Variants in PLCD3 observed in about 807,000 individuals in gnomAD.
PLCD3 encodes 1-phosphatidylinositol 4,5-bisphosphate phosphodiesterase delta-3.
PLCD3 carries 62 observed loss-of-function variants against 82.8 expected under a neutral mutation model. The observed-to-expected ratio is 0.75, with a 90% CI of 0.61 to 0.93. The LOEUF (loss-of-function observed/expected upper bound fraction) is 0.93. Among genes scored for constraint, PLCD3 ranks in the 40% least tolerant of loss-of-function variants. The pLI is 0.00. For synonymous variants in PLCD3, 478 were observed against 471.8 expected (o/e 1.01, Z -0.17); for missense variants, 1,023 against 1,103.4 (o/e 0.93, Z 1.03).
In PLCD3 at chr17:45,112,561, C is replaced by G; in HGVS notation, c.*55G>C. Reference sequence around the variant, plus strand: ...CCTGACTCCAGAGGAGGAGAGGGCTCTGCAGGGGATGTGGACTGGCACTCG... The same window carrying G: ...CCTGACTCCAGAGGAGGAGAGGGCTGTGCAGGGGATGTGGACTGGCACTCG... On this transcript the variant is annotated 3_prime_UTR_variant, in exon 15 of 15. Transcript: ENST00000619929. 6.6e-7 allele frequency: 1 copy of G among 1,505,474 alleles called. No individual in the cohort carries two copies. The highest frequency in any genetic ancestry group is 9.1e-7 in the Non-Finnish European group (1 of 1,104,744). The allele number at this position is 1,505,474 out of a possible 1,614,324, so 93.3% of individuals were successfully genotyped here.
chr17:45,114,664 T>C (rs2054275303), intron 10 of PLCD3, among the ~76,000 whole-genome samples: 1 of 152,132 alleles, frequency 6.6e-6, no homozygotes, highest in South Asian at 2.1e-4. Flanking sequence ...CCTGGAATTC[T>C]TCTCCAGGCC....
In PLCD3 at chr17:45,118,132, A is replaced by G; in HGVS notation, c.1122T>C (p.Phe374=). 6.2e-7 allele frequency: 1 copy of G among 1,613,934 alleles called. No homozygotes were observed. The highest frequency in any genetic ancestry group is 8.5e-7 in the Non-Finnish European group (1 of 1,179,830). Residue 374 remains phenylalanine, a synonymous_variant, in exon 7 of 15, where the codon TTT becomes TTC. Coordinates refer to ENST00000619929, the MANE Select transcript of PLCD3 (RefSeq NM_133373.5). The surrounding 1 kb of genome is among the most constrained non-coding windows in gnomAD (Gnocchi z 4.1). ...PSSTEAYVRA[F]AQGCRCVELD... is the part of the protein sequence containing the mutation. Reference sequence around the variant, plus strand: ...GCTCCACGCAGCGGCATCCCTGGGCAAAGGCCCTGTGTGTGGACAGATGGG... The same window carrying G: ...GCTCCACGCAGCGGCATCCCTGGGCGAAGGCCCTGTGTGTGGACAGATGGG...
intron 1 of PLCD3, among the ~76,000 whole-genome samples, chr17:45,130,702 G>T (rs768723694): frequency 6.6e-6 from 1 of 151,458 alleles, no homozygotes; most frequent in African/African-American, 2.4e-5. Flanking sequence ...TCCCTGTTTC[G>T]CCCCTGCCTT....
Position 45,112,972 on chromosome 17 carries a change from C to A in PLCD3, c.2172G>T (p.Leu724=). ...GGACCAGTGCCAGCTCCGGAGCCCG[C>A]AGCTGGAACTGCAGGGTCTGCCCCC... ...PRWGQTLQFQ[L]RAPELALVRF... is the part of the protein sequence containing the mutation. The change falls in exon 14 of 15, where the codon CTG becomes CTT. Residue 724 remains leucine, a synonymous_variant. Coordinates refer to ENST00000619929, the MANE Select transcript of PLCD3 (RefSeq NM_133373.5). 1.2e-6 allele frequency: 2 copies of A among 1,611,578 alleles called. No individual in the cohort carries two copies. The highest frequency in any genetic ancestry group is 1.7e-6 in the Non-Finnish European group (2 of 1,178,526).
At chr17:45,120,560 G>A in intron 3 of PLCD3, 106 bp from the exon 4 acceptor site, 1 of 1,472,076 alleles carries the variant, frequency 6.8e-7, no homozygotes, top group South Asian at 1.2e-5. Context: ...CCCAGTTTAG[G>A]GGCTGTACTT....
intron 1 of PLCD3, among the ~76,000 whole-genome samples, chr17:45,125,586 A>T (rs1322798893): frequency 6.6e-6 from 1 of 152,264 alleles, no homozygotes; most frequent in Non-Finnish European, 1.5e-5. Flanking sequence ...ACATGGCGAG[A>T]CTCCGTCTCA....
At chr17:45,117,452 G>A (rs2054300051) in intron 7 of PLCD3, among the ~76,000 whole-genome samples, 1 of 152,118 alleles carries the variant, frequency 6.6e-6, no homozygotes, top group Non-Finnish European at 1.5e-5. Flanking sequence ...TATTTGCTCA[G>A]GCTGGTCTGG....
rs770293868 is a variant in PLCD3 at position 45,113,419 on chromosome 17, GC to G, written c.1995+19del. 2 of 1,580,158 alleles carry G rather than the reference GC, an allele frequency of 1.3e-6. No homozygotes were observed. Among genetic ancestry groups the G allele is most frequent in the South Asian group, 2.3e-5 (2 of 86,120 alleles). ...AGAACCAGTCTGACCCCACACTGGG[GC>G]CCGTTCCAGCCTGCTGACCTGGATG... On this transcript the variant is annotated intron_variant, in intron 12 of 14. Transcript: ENST00000619929.
chr17:45,123,927 G>C (rs534710480), intron 1 of PLCD3, among the ~76,000 whole-genome samples: 4 of 150,374 alleles, frequency 2.7e-5, no homozygotes, highest in Non-Finnish European at 5.9e-5. Context: ...GGGTGTACAC[G>C]GCACGTGCCA....
At position 45,118,611 on chromosome 17, in the gene PLCD3, C is replaced by T; in HGVS notation, c.914-119G>A. On this transcript the variant is annotated intron_variant, in intron 5 of 14. Transcript: ENST00000619929. This position sits in a 1 kb window ranked among gnomAD's most constrained non-coding sequence, Gnocchi z 4.1. The stretch of plus-strand genomic sequence containing the variant: ...GACTAGACAATCTACTGACTAGACT[C>T]CATGTAAGTCATGCCACTTAACCTT... 2 of 1,234,362 alleles carry T rather than the reference C, an allele frequency of 1.6e-6. No individual in the cohort carries two copies. 76.5% of individuals were successfully genotyped at this position (1,234,362 alleles called of 1,614,324 possible).
Position 45,118,957 on chromosome 17 carries a change from C to A in PLCD3, c.771G>T (p.Glu257Asp). Reference sequence around the variant, plus strand: ...CGCCCGAGTACTGATGGAAGATCTCCTCCAGCTCCGGCCGCTTCAGCAGCC... The same window carrying A: ...CGCCCGAGTACTGATGGAAGATCTCATCCAGCTCCGGCCGCTTCAGCAGCC... The part of the protein sequence containing the change: ...LRRLLKRPEL[E>D]EIFHQYSGED... Residue 257 changes from glutamate to aspartate, a missense_variant, in exon 5 of 15, where the codon GAG becomes GAT. Physicochemically the swap from Glu to Asp is conservative, Grantham distance 45. Coordinates refer to ENST00000619929, the MANE Select transcript of PLCD3 (RefSeq NM_133373.5). The surrounding 1 kb of genome is among the most constrained non-coding windows in gnomAD (Gnocchi z 4.1). 6.2e-7 allele frequency: 1 copy of A among 1,612,436 alleles called. No individual in the cohort carries two copies. Among genetic ancestry groups the A allele is most frequent in the Admixed American group, 1.7e-5 (1 of 59,906 alleles).
chr17:45,120,712 T>C lies in PLCD3; in HGVS notation c.554+190A>G, dbSNP rs9894306. Among the ~76,000 whole-genome samples, 1,231 of 152,248 alleles carry C rather than the reference T, an allele frequency of 8.1e-3. 13 individuals carry two copies. The highest frequency in any genetic ancestry group is 0.028 in the African/African-American group (1,169 of 41,544). On this transcript the variant is annotated intron_variant, in intron 3 of 14. Coordinates refer to ENST00000619929, the MANE Select transcript of PLCD3 (RefSeq NM_133373.5). ...GGAGGCGCCGCGCCACCCCTCCTGG[T>C]GGGAGCTTGGGCCTAGCCAGGGCGC...
chr17:45,112,913 G>A lies in PLCD3; in HGVS notation c.2231C>T (p.Pro744Leu). 6.2e-7 allele frequency: 1 copy of A among 1,612,638 alleles called. No individual in the cohort carries two copies. The highest frequency in any genetic ancestry group is 8.5e-7 in the Non-Finnish European group (1 of 1,179,366). Residue 744 changes from proline to leucine, a missense_variant, in exon 14 of 15, where the codon CCC (proline) becomes CTC (leucine). Transcript: ENST00000619929. ...TGTAAACTGGCCCACAAAGTCATTG[G>A]GGGAGGTGGCGTCATAATCTTCCAC... Reference protein sequence around the residue: ...FVVEDYDATSPNDFVGQFTLP... With the variant: ...FVVEDYDATSLNDFVGQFTLP...
intron 1 of PLCD3, among the ~76,000 whole-genome samples, chr17:45,127,782 G>A (rs1296522186): frequency 7.0e-6 from 1 of 142,640 alleles, no homozygotes; most frequent in Non-Finnish European, 1.5e-5. Flanking sequence ...GTGTGTGTAT[G>A]AGTGTGAGTG....
Position 45,115,161 on chromosome 17 carries a change from G to A in PLCD3, c.1644C>T (p.Asn548=), listed in dbSNP as rs201709650. The A allele has an allele frequency of 1.1e-3, 1,725 of 1,598,114 alleles. 2 individuals are homozygous for A. Among genetic ancestry groups the A allele is most frequent in the Non-Finnish European group, 1.3e-3 (1,552 of 1,172,560 alleles). The part of the protein sequence containing the change: ...TRLRTLHPAP[N]APQPCQVSSL... ...AGCTGACCTGGCAGGGTTGTGGGGC[G>A]TTGGGGGCAGGGTGCAGGGTCCGCA... Residue 548 remains asparagine (N), a synonymous_variant, in exon 10 of 15, where the codon AAC becomes AAT. Transcript: ENST00000619929.
In PLCD3 at chr17:45,121,370, G is replaced by A. The variant is rs770407342; in HGVS notation, c.166C>T (p.Leu56=). ...PGLRALKKMG[L]TEDEDVRAML... is the part of the protein sequence containing the mutation. ...GCGCGCACGTCCTCGTCCTCCGTCA[G>A]GCCTGGCGGGGCGGGAGGACCCGGG... The change falls in exon 2 of 15, where the codon CTG becomes TTG. Residue 56 remains leucine (L), a splice_region_variant and synonymous_variant. Transcript: ENST00000619929. The A allele has an allele frequency of 4.6e-6, 7 of 1,508,128 alleles. No individual in the cohort carries two copies. The East Asian group carries it at 1.5e-4, about 32-fold the overall frequency. The allele number at this position is 1,508,128 out of a possible 1,614,324, so 93.4% of individuals were successfully genotyped here.
At chr17:45,117,357 C>T (rs1031490454) in intron 7 of PLCD3, among the ~76,000 whole-genome samples, 3 of 152,052 alleles carry the variant, frequency 2.0e-5, no homozygotes, top group Non-Finnish European at 4.4e-5. Flanking sequence ...GTGATCCCCC[C>T]ACCTCAGCCT....
At position 45,120,208 on chromosome 17, in the gene PLCD3, G is replaced by A. The variant is rs140693068; in HGVS notation, c.684+117C>T. 10 of 1,390,532 alleles carry A rather than the reference G, an allele frequency of 7.2e-6. No homozygotes were observed. The East Asian group carries it at 7.3e-5, about 10-fold the overall frequency. 86.1% of individuals were successfully genotyped at this position (1,390,532 alleles called of 1,614,324 possible). A position where few individuals can be genotyped will look rare whatever the true frequency, so the allele number is the denominator to read the frequency against. On this transcript the variant is annotated intron_variant, in intron 4 of 14. Coordinates refer to ENST00000619929, the MANE Select transcript of PLCD3 (RefSeq NM_133373.5). The stretch of plus-strand genomic sequence containing the variant: ...GCCTTTGTGCAGGGAAAGGCTGCTC[G>A]CTCCAAAAAAGCTGCAGGTGGAGAG...
At chr17:45,128,911 T>C (rs1483925192) in intron 1 of PLCD3, among the ~76,000 whole-genome samples, 1 of 152,176 alleles carries the variant, frequency 6.6e-6, no homozygotes, top group Non-Finnish European at 1.5e-5. Context: ...GGAGGCCCCC[T>C]GCAGGTATCA....
Sources: gnomAD v4.1 joint callset for allele counts (sites outside exome capture counted in the v4.1 genomes callset) on GRCh38, gnomAD v4.1.1 for gene constraint, Gnocchi (gnomAD v3.1) non-coding constraint, MANE v1.5 for transcripts, NCBI Gene and HGNC (gene_info 2026-07-23, HGNC 2026-07-21) for gene names.